FNIP2: variants seen among roughly 807,000 people sequenced by gnomAD.
FNIP2 encodes folliculin-interacting protein 2.
A neutral mutation model predicts 108.7 loss-of-function variants in FNIP2; 32 were observed. The ratio of observed to expected loss-of-function variants is 0.29; its 90% CI spans 0.22 to 0.40. The LOEUF is 0.40. Among genes scored for constraint, FNIP2 ranks in the 10% least tolerant of loss-of-function variants. FNIP2 has a pLI of 1.00. For missense variants in FNIP2, 1,202 were observed against 1,381.6 expected (o/e 0.87, Z 2.06); for synonymous variants, 480 against 496.7 (o/e 0.97, Z 0.45).
chr4:158,835,415 A>G lies in FNIP2; in HGVS notation c.666A>G (p.Thr222=). Residue 222 remains threonine, a synonymous_variant, in exon 7 of 17, where the codon ACA becomes ACG. Transcript: ENST00000264433. The part of the protein sequence containing the change: ...CRTGSNLAHS[T]PVDMPSRGQN... The stretch of plus-strand genomic sequence containing the variant: ...GTTCCTTTATCTTAGCACACAGCAC[A>G]CCAGTTGATATGCCAAGCAGAGGAC... 1 of 1,612,400 alleles carries G rather than the reference A, an allele frequency of 6.2e-7. No individual in the cohort carries two copies. The highest frequency in any genetic ancestry group is 8.5e-7 in the Non-Finnish European group (1 of 1,178,952).
intron 16 of FNIP2, among the ~76,000 whole-genome samples, chr4:158,896,728 C>A (rs1317085125): frequency 6.6e-6 from 1 of 150,450 alleles, no homozygotes; most frequent in Admixed American, 6.6e-5. Context: ...GTATTTCCCC[C>A]TTATGAGGTG....
At chr4:158,895,205 G>GA (rs1254739979) in intron 15 of FNIP2, among the ~76,000 whole-genome samples, 2 of 151,690 alleles carry the variant, frequency 1.3e-5, no homozygotes, top group Admixed American at 1.3e-4. Flanking sequence ...GAAAGCAAAA[G>GA]AAAAAAAAGT....
Position 158,868,848 on chromosome 4 carries a change from A to C in FNIP2, c.2212A>C (p.Met738Leu), listed in dbSNP as rs1475207655. 1 of 1,613,866 alleles carries C rather than the reference A, an allele frequency of 6.2e-7. No individual in the cohort carries two copies. The highest frequency in any genetic ancestry group is 8.5e-7 in the Non-Finnish European group (1 of 1,179,898). ...ESDFESRMKK[M>L]EERVKACGPS... The stretch of plus-strand genomic sequence containing the variant: ...TGACTTTGAAAGCCGCATGAAAAAA[A>C]TGGAGGAACGGGTGAAGGCCTGTGG... The change falls in exon 13 of 17, where the codon ATG becomes CTG. Residue 738 changes from methionine (M) to leucine (L), a missense_variant. Met to Leu is a conservative substitution (Grantham distance 15). Coordinates refer to ENST00000264433, the MANE Select transcript of FNIP2 (RefSeq NM_020840.3). The surrounding 1 kb of genome is among the most constrained non-coding windows in gnomAD (Gnocchi z 4.6).
chr4:158,804,313 T>C (rs191762060), intron 1 of FNIP2, among the ~76,000 whole-genome samples: 2 of 152,020 alleles, frequency 1.3e-5, no homozygotes, highest in African/African-American at 4.8e-5. Context: ...ACATCTACCA[T>C]GGATAAAACC....
intron 15 of FNIP2, chr4:158,893,445 G>C: frequency 2.3e-6 from 1 of 436,230 alleles, no homozygotes; most frequent in Non-Finnish European, 4.2e-6. Context: ...GATGTTATAA[G>C]CACTCAGTAA....
At chr4:158,822,822 T>C (rs1777957420) in intron 1 of FNIP2, among the ~76,000 whole-genome samples, 1 of 152,218 alleles carries the variant, frequency 6.6e-6, no homozygotes, top group Non-Finnish European at 1.5e-5. Context: ...AAAATACTTT[T>C]AAAGCATTTG....
At chr4:158,773,342 C>T (rs1381446784) in intron 1 of FNIP2, among the ~76,000 whole-genome samples, 1 of 152,138 alleles carries the variant, frequency 6.6e-6, no homozygotes, top group East Asian at 1.9e-4. Context: ...GGAACCCTTC[C>T]TTTGAATGCA....
Position 158,835,454 on chromosome 4 carries a change from G to A in FNIP2, c.705G>A (p.Arg235=), listed in dbSNP as rs1317822961. The A allele has an allele frequency of 1.2e-6, 2 of 1,612,374 alleles. No individual in the cohort carries two copies. Among genetic ancestry groups the A allele is most frequent in the Non-Finnish European group, 1.7e-6 (2 of 1,178,988 alleles). The change falls in exon 7 of 17, where the codon AGG becomes AGA. Residue 235 remains arginine, a synonymous_variant. Coordinates refer to ENST00000264433, the MANE Select transcript of FNIP2 (RefSeq NM_020840.3). ...CAAGCAGAGGACAGAATGAAGACAG[G>A]GACAGTGGCATTGCTCGATCAGGTA... is the stretch of plus-strand genomic sequence containing the variant. ...DMPSRGQNED[R]DSGIARSASL...
At chr4:158,824,058 A>G (rs1467966971) in intron 1 of FNIP2, among the ~76,000 whole-genome samples, 1 of 152,216 alleles carries the variant, frequency 6.6e-6, no homozygotes, top group African/African-American at 2.4e-5. Flanking sequence ...CAAAAAGAAC[A>G]TGTTCAGTAT....
chr4:158,859,701 A>G (rs1780176057), intron 10 of FNIP2, 35 bp downstream of exon 10: 2 of 1,529,152 alleles, frequency 1.3e-6, no homozygotes, highest in Non-Finnish European at 9.0e-7. Context: ...CCAACAGGAG[A>G]TGTTTATGAG....
intron 8 of FNIP2, among the ~76,000 whole-genome samples, chr4:158,854,333 C>T (rs1779864386): frequency 6.6e-6 from 1 of 152,206 alleles, no homozygotes; most frequent in Non-Finnish European, 1.5e-5. Context: ...CCTCCTCTCT[C>T]CTCTCCCCTA....
At chr4:158,884,498 G>C (rs1560831427) in intron 14 of FNIP2, among the ~76,000 whole-genome samples, 1 of 152,168 alleles carries the variant, frequency 6.6e-6, no homozygotes, top group Non-Finnish European at 1.5e-5. Context: ...AGTGCATGTG[G>C]GAAGGTTTCC....
rs1775605561 is a variant in FNIP2 at position 158,769,187 on chromosome 4, A to G, written c.-26A>G. On this transcript the variant is annotated 5_prime_UTR_variant, in exon 1 of 17. Coordinates refer to ENST00000264433, the MANE Select transcript of FNIP2 (RefSeq NM_020840.3). ...CTGAGCCGCCGGCCCCCCGAGCGCC[A>G]CGGCCGGAGCTGCGGCGGCGGCATC... 12 of 1,254,694 alleles carry G rather than the reference A, an allele frequency of 9.6e-6. No individual in the cohort carries two copies. Among genetic ancestry groups the G allele is most frequent in the Non-Finnish European group, 1.2e-5 (12 of 975,710 alleles). The allele number at this position is 1,254,694 out of a possible 1,614,324, so 77.7% of individuals were successfully genotyped here. A position where few individuals can be genotyped will look rare whatever the true frequency, so the allele number is the denominator to read the frequency against.
At chr4:158,790,018 T>G (rs1415724107) in intron 1 of FNIP2, among the ~76,000 whole-genome samples, 1 of 152,048 alleles carries the variant, frequency 6.6e-6, no homozygotes, top group Non-Finnish European at 1.5e-5. Flanking sequence ...ACACCTGACC[T>G]TATGGGTCAC....
In FNIP2 at chr4:158,905,188, C is replaced by T. The variant is rs1729723897; in HGVS notation, c.*644C>T. ...TGTTTTCATTTCTTCTTGGAGTTTA[C>T]CTTGTTTCAGATGCAGCCATGGGTA... On this transcript the variant is annotated 3_prime_UTR_variant, in exon 17 of 17. Coordinates refer to ENST00000264433, the MANE Select transcript of FNIP2 (RefSeq NM_020840.3). 1.3e-5 allele frequency: 2 copies of T among 152,328 alleles called. No homozygotes were observed. Among genetic ancestry groups the T allele is most frequent in the African/African-American group, 4.8e-5 (2 of 41,386 alleles). The allele number at this position is 152,328 out of a possible 1,614,324, so 9.4% of individuals were successfully genotyped here.
chr4:158,856,648 A>G (rs140206812), intron 8 of FNIP2, among the ~76,000 whole-genome samples: 2 of 152,326 alleles, frequency 1.3e-5, no homozygotes, highest in Non-Finnish European at 2.9e-5. Flanking sequence ...GGTCATTGCC[A>G]GTATCCAAGT....
intron 6 of FNIP2, chr4:158,834,489 G>A (rs954999786): frequency 2.0e-5 from 3 of 152,092 alleles, no homozygotes; most frequent in African/African-American, 7.2e-5. Context: ...TTTCCTTTCT[G>A]TTCTTTGTAG....
chr4:158,854,959 T>C (rs973095436), intron 8 of FNIP2, among the ~76,000 whole-genome samples: 1 of 152,202 alleles, frequency 6.6e-6, no homozygotes, highest in African/African-American at 2.4e-5. Flanking sequence ...ATAGTATTTC[T>C]ATAATAGGTT....
chr4:158,880,444 A>G (rs2126740248), intron 14 of FNIP2, among the ~76,000 whole-genome samples: 1 of 152,186 alleles, frequency 6.6e-6, no homozygotes, highest in East Asian at 1.9e-4. Context: ...CCTGTGGTGG[A>G]GTGGGGGGAG....
Sources: gnomAD v4.1 joint callset for allele counts (sites outside exome capture counted in the v4.1 genomes callset) on GRCh38, gnomAD v4.1.1 for gene constraint, Gnocchi (gnomAD v3.1) non-coding constraint, MANE v1.5 for transcripts, NCBI Gene and HGNC (gene_info 2026-07-23, HGNC 2026-07-21) for gene names.